The following CUL1 variants were observed in gnomAD, a reference collection of about 807,000 sequenced individuals.
The protein encoded by CUL1 is cullin-1.
In CUL1, 24 loss-of-function variants were observed where a neutral mutation model predicts 118.0. The ratio of observed to expected loss-of-function variants is 0.20; its 90% confidence interval spans 0.15 to 0.29. The LOEUF (loss-of-function observed/expected upper bound fraction) is 0.29. Ranked by LOEUF, CUL1 falls within the 10% of genes least tolerant of loss-of-function variation. The pLI is 1.00. For missense variants in CUL1, 361 were observed against 933.8 expected (o/e 0.39, Z 7.99); for synonymous variants, 332 against 340.4 (o/e 0.98, Z 0.27).
intron 2 of CUL1, among the ~76,000 whole-genome samples, chr7:148,753,237 G>C (rs1799548955): frequency 6.6e-6 from 1 of 152,058 alleles, no homozygotes; most frequent in Admixed American, 6.6e-5. Context: ...TGATCTTTCT[G>C]AGTATAAGTA....
chr7:148,800,900 C>T lies in CUL1; in HGVS notation c.*318C>T, dbSNP rs1801366089. ...CCCCGATTCGCAGCTGTCGTCTTGG[C>T]AGCACTTGTCACGTTGGCAGCACTT... On this transcript the variant is annotated 3_prime_UTR_variant, in exon 22 of 22. Coordinates refer to ENST00000325222, the MANE Select transcript of CUL1 (RefSeq NM_003592.3). The surrounding 1 kb of genome is among the most constrained non-coding windows in gnomAD (Gnocchi z 4.6). 2 of 224,794 alleles carry T rather than the reference C, an allele frequency of 8.9e-6. No homozygotes were observed. The highest frequency in any genetic ancestry group is 1.7e-5 in the Non-Finnish European group (2 of 114,702). 13.9% of individuals were successfully genotyped at this position (224,794 alleles called of 1,614,324 possible). A position where few individuals can be genotyped will look rare whatever the true frequency, so the allele number is the denominator to read the frequency against.
At chr7:148,785,063 G>A (rs1800770486) in intron 11 of CUL1, among the ~76,000 whole-genome samples, 1 of 152,176 alleles carries the variant, frequency 6.6e-6, no homozygotes. Flanking sequence ...GACCTTTTTG[G>A]TAAATGATGG....
chr7:148,792,650 T>C, intron 16 of CUL1, 76 bp from the exon 17 acceptor site: 2 of 919,082 alleles, frequency 2.2e-6, no homozygotes, highest in Non-Finnish European at 3.4e-6. Context: ...TCTTCAAACT[T>C]GGGCTGTATA....
In CUL1 at chr7:148,798,682, C is replaced by T. The variant is rs1008077107; in HGVS notation, c.2136+5C>T. On this transcript the variant is annotated splice_donor_5th_base_variant and intron_variant, in intron 20 of 21. Coordinates refer to ENST00000325222, the MANE Select transcript of CUL1 (RefSeq NM_003592.3). ...GACCGCAAACTACTGATTCAGGTGACTTATCTGTATGCCTGTGCCAGGTGT... is the reference window on the plus strand; with the variant it reads ...GACCGCAAACTACTGATTCAGGTGATTTATCTGTATGCCTGTGCCAGGTGT... The T allele has an allele frequency of 1.2e-6, 2 of 1,610,350 alleles. No individual in the cohort carries two copies. Among genetic ancestry groups the T allele is most frequent in the African/African-American group, 1.3e-5 (1 of 74,826 alleles).
intron 7 of CUL1, among the ~76,000 whole-genome samples, chr7:148,763,183 G>A (rs570615012): frequency 2.0e-5 from 3 of 152,106 alleles, no homozygotes; most frequent in African/African-American, 7.2e-5. Flanking sequence ...AACCAGGCCT[G>A]ACACCAAAGA....
At chr7:148,770,635 C>CCCTT (rs1800177459) in intron 9 of CUL1, among the ~76,000 whole-genome samples, 1 of 152,198 alleles carries the variant, frequency 6.6e-6, no homozygotes, top group African/African-American at 2.4e-5. Context: ...GTTCCTCGTG[C>CCCTT]CCTTCCCTGC....
intron 1 of CUL1, among the ~76,000 whole-genome samples, chr7:148,717,974 A>G (rs1175975170): frequency 6.6e-6 from 1 of 152,156 alleles, no homozygotes; most frequent in Non-Finnish European, 1.5e-5. Context: ...TCACCTGTTT[A>G]TATATTGTTG....
At chr7:148,789,016 G>A (rs1352595363) in intron 14 of CUL1, among the ~76,000 whole-genome samples, 1 of 152,156 alleles carries the variant, frequency 6.6e-6, no homozygotes. Context: ...TAACAGTCAA[G>A]CTAAAGACCT....
intron 2 of CUL1, among the ~76,000 whole-genome samples, chr7:148,736,227 G>T (rs1201706677): frequency 6.6e-6 from 1 of 152,148 alleles, no homozygotes; most frequent in Non-Finnish European, 1.5e-5. Context: ...GCCAGTGTTG[G>T]CAAGGAGACC....
chr7:148,711,488 C>T (rs918635595), intron 1 of CUL1, among the ~76,000 whole-genome samples: 4 of 152,070 alleles, frequency 2.6e-5, no homozygotes, highest in African/African-American at 4.8e-5. Context: ...TTCAGGAGAG[C>T]GGTTAAAGTG....
In CUL1 at chr7:148,790,593, G is replaced by A. The variant is rs1053940636; in HGVS notation, c.1806+152G>A. Reference sequence around the variant, plus strand: ...TTAAAGCATGGAGTTGTAAGAATCAGATGAACCAAATTCCAATTCTTTCTG... The same window carrying A: ...TTAAAGCATGGAGTTGTAAGAATCAAATGAACCAAATTCCAATTCTTTCTG... On this transcript the variant is annotated intron_variant, in intron 16 of 21. Coordinates refer to ENST00000325222, the MANE Select transcript of CUL1 (RefSeq NM_003592.3). 2.2e-5 allele frequency: 15 copies of A among 694,914 alleles called. No homozygotes were observed. The African/African-American group carries it at 2.2e-4, about 10-fold the overall frequency. The allele number at this position is 694,914 out of a possible 1,614,324, so 43.0% of individuals were successfully genotyped here. A position where few individuals can be genotyped will look rare whatever the true frequency, so the allele number is the denominator to read the frequency against.
At chr7:148,733,293 T>C (rs1798825784) in intron 2 of CUL1, among the ~76,000 whole-genome samples, 1 of 152,228 alleles carries the variant, frequency 6.6e-6, no homozygotes, top group Admixed American at 6.5e-5. Context: ...GTAGAGTGTA[T>C]ACTTATGTTT....
At chr7:148,786,968 T>C in intron 12 of CUL1, 21 bp from the exon 13 acceptor site, 2 of 1,601,980 alleles carry the variant, frequency 1.2e-6, no homozygotes, top group Non-Finnish European at 1.7e-6. Context: ...GTTAAGTGTG[T>C]TGTCTCGGTG....
At chr7:148,783,226 C>A (rs1212358169) in intron 9 of CUL1, 3 of 558,836 alleles carry the variant, frequency 5.4e-6, no homozygotes, top group African/African-American at 4.1e-5. Flanking sequence ...GGCCCCTTTG[C>A]TGCCCTGCGC....
intron 7 of CUL1, among the ~76,000 whole-genome samples, chr7:148,764,103 A>T (rs1799927820): frequency 6.6e-6 from 1 of 152,176 alleles, no homozygotes; most frequent in Non-Finnish European, 1.5e-5. Context: ...GTCATTTTTT[A>T]AAAACTTTAA....
At chr7:148,716,454 A>C (rs1297923285) in intron 1 of CUL1, among the ~76,000 whole-genome samples, 3 of 152,204 alleles carry the variant, frequency 2.0e-5, no homozygotes, top group Admixed American at 2.0e-4. Context: ...TTTCCATCAG[A>C]GGTTAGTGAA....
At position 148,725,219 on chromosome 7, in the gene CUL1, G is replaced by GCGCACACACACACACACACA; in HGVS notation, c.-161-4742_-161-4741insGCACACACACACACACACAC. On this transcript the variant is annotated intron_variant, in intron 1 of 21. Transcript: ENST00000325222. The stretch of plus-strand genomic sequence containing the variant: ...CGTGTACACACACACACACGCGCGC[G>GCGCACACACACACACACACA]CTCACACACACACACACACACACAC... Among the ~76,000 whole-genome samples the GCGCACACACACACACACACA allele has an allele frequency of 3.2e-3, 453 of 140,128 alleles. 1 individual carries two copies. Among genetic ancestry groups the GCGCACACACACACACACACA allele is most frequent in the Middle Eastern group, 0.015 (4 of 272 alleles). 91.9% of individuals were successfully genotyped at this position (140,128 alleles called of 152,430 possible).
chr7:148,726,207 G>T (rs969251723), intron 1 of CUL1, among the ~76,000 whole-genome samples: 2 of 152,126 alleles, frequency 1.3e-5, no homozygotes, highest in African/African-American at 4.8e-5. Flanking sequence ...AATATGTAAA[G>T]AACATATTTG....
At chr7:148,724,784 A>G (rs1158147528) in intron 1 of CUL1, among the ~76,000 whole-genome samples, 1 of 152,328 alleles carries the variant, frequency 6.6e-6, no homozygotes, top group African/African-American at 2.4e-5. Context: ...TGCGATGCCA[A>G]GGATCTCCTA....
Sources: allele counts gnomAD v4.1 joint callset (sites outside exome capture counted in the v4.1 genomes callset), GRCh38; gene constraint gnomAD v4.1.1; non-coding constraint Gnocchi (gnomAD v3.1); transcripts MANE v1.5; gene names NCBI Gene and HGNC (gene_info 2026-07-23, HGNC 2026-07-21).